The following MAPK6 variants were observed in gnomAD, a reference collection of about 807,000 sequenced individuals.
MAPK6 encodes ERK-3.
MAPK6 carries 19 observed loss-of-function variants against 59.3 expected under a neutral mutation model. That is an observed-to-expected ratio of 0.32 (90% confidence interval 0.22 to 0.47). The LOEUF (loss-of-function observed/expected upper bound fraction) is 0.47, where lower values mean the gene tolerates loss of function less well. Ranked by LOEUF, MAPK6 falls within the 20% of genes least tolerant of loss-of-function variation. The pLI is 1.00. For synonymous variants in MAPK6, 316 were observed against 290.3 expected, an observed-to-expected ratio of 1.09 and a Z score of -0.90; for missense variants, 724 against 847.9, an observed-to-expected ratio of 0.85 and a Z score of 1.81.
rs1032216108 is a variant in MAPK6 at position 52,061,242 on chromosome 15, T to A, written c.866-57T>A. The A allele has an allele frequency of 5.5e-6, 7 of 1,274,920 alleles. No homozygotes were observed. The Admixed American group carries it at 6.8e-5, about 12-fold the overall frequency. 79.0% of individuals were successfully genotyped at this position (1,274,920 alleles called of 1,614,324 possible). On this transcript the variant is annotated intron_variant, in intron 4 of 5. Transcript: ENST00000261845. ...TGAAATAAATGAGATCAACATTTAC[T>A]GTTTTTCTAAAGGTAAGCAATTCTT...
chr15:51,992,727 G>T (rs2057213676), intron 2 of MAPK6, among the ~76,000 whole-genome samples: 1 of 152,060 alleles, frequency 6.6e-6, no homozygotes, highest in African/African-American at 2.4e-5. Context: ...TGCTAGAGTG[G>T]CTCAAAGACT....
chr15:52,051,855 C>T (rs1310952268), intron 3 of MAPK6, among the ~76,000 whole-genome samples: 1 of 143,338 alleles, frequency 7.0e-6, no homozygotes, highest in Non-Finnish European at 1.5e-5. Context: ...GCCTGGGCGA[C>T]AGAGACTCTG....
rs1293893072 is a variant in MAPK6 at position 52,067,009 on chromosome 15, A to G, written c.*2009A>G. The stretch of plus-strand genomic sequence containing the variant: ...GCATCAGACAGGATGTAAAGGAAGC[A>G]ACGGGCAGCAGACATTGGTCCCTGA... On this transcript the variant is annotated 3_prime_UTR_variant, in exon 6 of 6. Coordinates refer to ENST00000261845, the MANE Select transcript of MAPK6 (RefSeq NM_002748.4). 1.3e-5 allele frequency: 2 copies of G among 152,200 alleles called. No individual in the cohort carries two copies. Among genetic ancestry groups the G allele is most frequent in the Admixed American group, 1.3e-4 (2 of 15,268 alleles). The allele number at this position is 152,200 out of a possible 1,614,324, so 9.4% of individuals were successfully genotyped here.
At chr15:51,976,577 AAGAATCTGG>A (rs1169958391) in intron 1 of MAPK6, among the ~76,000 whole-genome samples, 1 of 151,890 alleles carries the variant, frequency 6.6e-6, no homozygotes, top group African/African-American at 2.4e-5. Flanking sequence ...CTGGCATATG[AAGAATCTGG>A]AATTAAAATG....
chr15:52,064,559 G>A lies in MAPK6; in HGVS notation c.1725G>A (p.Gln575=), dbSNP rs1414885596. 5.0e-6 allele frequency: 8 copies of A among 1,611,358 alleles called. No individual in the cohort carries two copies. Among genetic ancestry groups the A allele is most frequent in the Non-Finnish European group, 8.5e-7 (1 of 1,179,656 alleles). The part of the protein sequence containing the change: ...LISKSVSQEK[Q]EKGMANLAQL... The stretch of plus-strand genomic sequence containing the variant: ...CAAAGTCAGTAAGCCAAGAAAAACA[G>A]GAAAAAGGAATGGCAAATCTGGCTC... Residue 575 remains glutamine, a synonymous_variant, in exon 6 of 6, where the codon CAG becomes CAA. Coordinates refer to ENST00000261845, the MANE Select transcript of MAPK6 (RefSeq NM_002748.4).
chr15:51,991,288 T>C (rs1020451986), intron 2 of MAPK6, among the ~76,000 whole-genome samples: 2 of 152,132 alleles, frequency 1.3e-5, no homozygotes, highest in African/African-American at 4.8e-5. Context: ...GACTAGATTT[T>C]ATCTCTTGGT....
chr15:52,004,963 A>G (rs781670376), intron 3 of MAPK6, among the ~76,000 whole-genome samples: 1 of 152,220 alleles, frequency 6.6e-6, no homozygotes, highest in Non-Finnish European at 1.5e-5. Flanking sequence ...AGATGCAGGC[A>G]GAGACTGTGT....
chr15:52,035,848 G>T (rs2031224522), intron 1 of MAPK6, among the ~76,000 whole-genome samples: 1 of 151,930 alleles, frequency 6.6e-6, no homozygotes, highest in Non-Finnish European at 1.5e-5. Flanking sequence ...CTTCTAAAGG[G>T]TTTGACTTTT....
intron 2 of MAPK6, among the ~76,000 whole-genome samples, chr15:51,983,456 G>A (rs990337774): frequency 1.3e-5 from 2 of 151,662 alleles, no homozygotes; most frequent in African/African-American, 4.9e-5. Flanking sequence ...TCCAGCCTGG[G>A]CAACAACAGC....
chr15:52,013,221 C>A (rs1402707724), intron 3 of MAPK6, among the ~76,000 whole-genome samples: 1 of 151,108 alleles, frequency 6.6e-6, no homozygotes, highest in South Asian at 2.1e-4. Flanking sequence ...AAATGACCAA[C>A]CTCTTGGTTA....
intron 5 of MAPK6, among the ~76,000 whole-genome samples, chr15:52,062,477 A>C (rs1003783435): frequency 6.6e-6 from 1 of 152,110 alleles, no homozygotes; most frequent in Non-Finnish European, 1.5e-5. Context: ...ATTTCTAGGA[A>C]AGTTTGGCTG....
chr15:52,024,360 G>A (rs953083851), intron 1 of MAPK6, among the ~76,000 whole-genome samples: 3 of 151,732 alleles, frequency 2.0e-5, no homozygotes, highest in Admixed American at 6.6e-5. Flanking sequence ...TCAGTCCTAC[G>A]GTCCTACTGA....
chr15:52,050,239 C>G (rs2031733106), intron 3 of MAPK6, 102 bp downstream of exon 3: 1 of 1,044,370 alleles, frequency 9.6e-7, no homozygotes, highest in East Asian at 2.7e-5. Flanking sequence ...TTGTTATGAT[C>G]TGTAATACTA....
chr15:52,001,438 T>A (rs2057241575), intron 2 of MAPK6, among the ~76,000 whole-genome samples: 1 of 152,192 alleles, frequency 6.6e-6, no homozygotes, highest in Admixed American at 6.5e-5. Context: ...GTACCACACT[T>A]TTCATTACCA....
chr15:52,048,242 T>C (rs1294192729), intron 2 of MAPK6, among the ~76,000 whole-genome samples: 1 of 152,080 alleles, frequency 6.6e-6, no homozygotes. Context: ...CTCCGCCTCC[T>C]GGGTTCAAGC....
At chr15:52,001,491 C>T (rs2057241664) in intron 2 of MAPK6, among the ~76,000 whole-genome samples, 2 of 147,536 alleles carry the variant, frequency 1.4e-5, no homozygotes, top group Non-Finnish European at 3.0e-5. Flanking sequence ...GAATGGTATA[C>T]CTTTGTCCTT....
chr15:52,012,987 GAAAAAAAAAAAAAAAAAAAAA>G lies in MAPK6; in HGVS notation c.-632+8599_-632+8619del, dbSNP rs869196156. On this transcript the variant is annotated intron_variant, in intron 3 of 7. Transcript: ENST00000691380. ...GGGCGACAGAGTGAGACTCCGCCTGGAAAAAAAAAAAAAAAAAAAAAAAAAAAAAAAAAATATATATATATA... is the reference window on the plus strand; with the variant it reads ...GGGCGACAGAGTGAGACTCCGCCTGGAAAAAAAAAAAAATATATATATATA... 3.7e-3 allele frequency among the ~76,000 whole-genome samples: 97 copies of G among 26,570 alleles called. 3 individuals carry two copies. The highest frequency in any genetic ancestry group is 4.9e-3 in the East Asian group (3 of 608). 17.4% of individuals were successfully genotyped at this position (26,570 alleles called of 152,430 possible).
At chr15:52,016,064 GCGCGCGCACACACACACA>G (rs1240328850), upstream of MAPK6, among the ~76,000 whole-genome samples, 1 of 54,954 alleles carries the variant, frequency 1.8e-5, no homozygotes, top group African/African-American at 6.6e-5. Flanking sequence ...GCGCGCGCGC[GCGCGCGCACACACACACA>G]CACACACACA....
At chr15:51,998,445 T>A (rs931226536) in intron 2 of MAPK6, among the ~76,000 whole-genome samples, 1 of 151,356 alleles carries the variant, frequency 6.6e-6, no homozygotes, top group African/African-American at 2.4e-5. Context: ...CCTCAGGTGA[T>A]CCACCGGCCT....
Sources: gnomAD v4.1 joint callset for allele counts (sites outside exome capture counted in the v4.1 genomes callset) on GRCh38, gnomAD v4.1.1 for gene constraint, MANE v1.5 for transcripts, NCBI Gene and HGNC (gene_info 2026-07-23, HGNC 2026-07-21) for gene names.